Variants in CCDC93 observed in about 807,000 individuals in gnomAD.
CCDC93 encodes the protein CCC complex scaffolding subunit CCDC93.
A neutral mutation model predicts 108.2 loss-of-function variants in CCDC93; 61 were observed. The observed-to-expected ratio is 0.56, with a 90% CI of 0.46 to 0.70. The LOEUF (loss-of-function observed/expected upper bound fraction) is 0.70. CCDC93 is among the 30% of genes least tolerant of loss of function. CCDC93 has a pLI of 0.00. For missense variants in CCDC93, 685 were observed against 764.2 expected, an observed-to-expected ratio of 0.90 and a Z score of 1.22; for synonymous variants, 276 against 260.4, an observed-to-expected ratio of 1.06 and a Z score of -0.58.
intron 6 of CCDC93, among the ~76,000 whole-genome samples, chr2:117,993,233 A>G (rs533085234): frequency 1.6e-4 from 25 of 152,076 alleles, no homozygotes; most frequent in African/African-American, 5.8e-4. Context: ...CATCTCTACT[A>G]AAAAAACAAA....
chr2:117,935,649 C>A, intron 21 of CCDC93, 70 bp from the exon 22 acceptor site: 4 of 1,130,224 alleles, frequency 3.5e-6, no homozygotes, highest in Non-Finnish European at 5.4e-6. Context: ...GCCAAGCAGT[C>A]AGCTCTGTAT....
Position 117,917,726 on chromosome 2 carries a change from C to G in CCDC93, c.*2617G>C, listed in dbSNP as rs1270496827. 1.3e-5 allele frequency: 2 copies of G among 152,298 alleles called. No homozygotes were observed. Among genetic ancestry groups the G allele is most frequent in the Admixed American group, 1.3e-4 (2 of 15,280 alleles). The allele number at this position is 152,298 out of a possible 1,614,324, so 9.4% of individuals were successfully genotyped here. A position where few individuals can be genotyped will look rare whatever the true frequency, so the allele number is the denominator to read the frequency against. The stretch of plus-strand genomic sequence containing the variant: ...ATCAACAAATGTCCTAGCATCTCCC[C>G]ACGCACCTCGTGATCACGCAATCTT... On this transcript the variant is annotated 3_prime_UTR_variant, in exon 24 of 24. Coordinates refer to ENST00000376300, the MANE Select transcript of CCDC93 (RefSeq NM_019044.5).
intron 15 of CCDC93, 85 bp downstream of exon 15, chr2:117,948,020 T>A: frequency 9.1e-7 from 1 of 1,094,802 alleles, no homozygotes; most frequent in South Asian, 1.3e-5. Flanking sequence ...CTGCACTGGA[T>A]AGGATGCCAC....
At chr2:117,987,452 C>T (rs1172290600) in intron 6 of CCDC93, among the ~76,000 whole-genome samples, 1 of 152,192 alleles carries the variant, frequency 6.6e-6, no homozygotes, top group Non-Finnish European at 1.5e-5. Flanking sequence ...CTAAGTAATG[C>T]AACCTAAATA....
intron 23 of CCDC93, among the ~76,000 whole-genome samples, chr2:117,923,838 T>TG (rs61491726): frequency 1 from 152,306 of 152,308 alleles, 76,152 homozygotes; most frequent in Non-Finnish European, 1. Context: ...CTTCCTCATG[T>TG]GGTCCCTGAC....
chr2:117,978,106 CT>C, intron 7 of CCDC93, 76 bp from the exon 8 acceptor site: 2 of 1,317,742 alleles, frequency 1.5e-6, no homozygotes, highest in Non-Finnish European at 2.2e-6. Flanking sequence ...TTTTGGTTGA[CT>C]TTTTACATGA....
intron 13 of CCDC93, among the ~76,000 whole-genome samples, chr2:117,952,171 G>T (rs1022063960): frequency 6.6e-6 from 1 of 151,768 alleles, no homozygotes; most frequent in Non-Finnish European, 1.5e-5. Context: ...TAAGGGACTA[G>T]AATGTGCAGT....
At chr2:117,978,778 C>T (rs1331548896) in intron 7 of CCDC93, among the ~76,000 whole-genome samples, 3 of 152,122 alleles carry the variant, frequency 2.0e-5, no homozygotes, top group Admixed American at 6.5e-5. Flanking sequence ...GAGGCTGAGG[C>T]GGGCCTATCA....
rs1677780776 is a variant in CCDC93 at position 117,919,093 on chromosome 2, T to A, written c.*1250A>T. 1 of 152,174 alleles carries A rather than the reference T, an allele frequency of 6.6e-6. No individual in the cohort carries two copies. The highest frequency in any genetic ancestry group is 2.4e-5 in the African/African-American group (1 of 41,444). The allele number at this position is 152,174 out of a possible 1,614,324, so 9.4% of individuals were successfully genotyped here. A position where few individuals can be genotyped will look rare whatever the true frequency, so the allele number is the denominator to read the frequency against. ...ACAAACCTACAGAACATGACTGAGT[T>A]ACCAGACTCCTGAGGACCAGGGCAG... On this transcript the variant is annotated 3_prime_UTR_variant, in exon 24 of 24. Coordinates refer to ENST00000376300, the MANE Select transcript of CCDC93 (RefSeq NM_019044.5).
chr2:117,967,494 C>T (rs1462602803), intron 11 of CCDC93, among the ~76,000 whole-genome samples: 1 of 152,192 alleles, frequency 6.6e-6, no homozygotes, highest in Non-Finnish European at 1.5e-5. Flanking sequence ...CCCTAGCTAC[C>T]AATAGCCCAA....
chr2:117,980,011 A>G (rs1428354862), intron 7 of CCDC93, among the ~76,000 whole-genome samples: 3 of 152,240 alleles, frequency 2.0e-5, no homozygotes, highest in East Asian at 3.8e-4. Flanking sequence ...TTCTGGGGCT[A>G]GCAGCTATCA....
chr2:117,979,949 G>T (rs186871738), intron 7 of CCDC93, among the ~76,000 whole-genome samples: 4 of 152,352 alleles, frequency 2.6e-5, no homozygotes, highest in African/African-American at 9.6e-5. Flanking sequence ...AGGAAAGAGG[G>T]AAGCATAAAG....
intron 3 of CCDC93, among the ~76,000 whole-genome samples, chr2:118,001,991 G>T (rs141512654): frequency 2.0e-5 from 3 of 152,230 alleles, no homozygotes; most frequent in African/African-American, 7.2e-5. Context: ...CACCAGGCAT[G>T]GCCTTGTGGA....
intron 2 of CCDC93, 74 bp downstream of exon 2, chr2:118,008,471 C>A: frequency 1.2e-6 from 1 of 840,166 alleles, no homozygotes. Flanking sequence ...TCATCTTTTC[C>A]TCCTTTCTTT....
At chr2:117,982,074 C>T (rs1434093426) in intron 7 of CCDC93, among the ~76,000 whole-genome samples, 1 of 151,956 alleles carries the variant, frequency 6.6e-6, no homozygotes, top group South Asian at 2.1e-4. Context: ...AGAGGTATGC[C>T]GTGTTTTATT....
At chr2:117,936,507 C>T in intron 21 of CCDC93, 195 bp downstream of exon 21, 1 of 576,858 alleles carries the variant, frequency 1.7e-6, no homozygotes, top group Non-Finnish European at 3.1e-6. Flanking sequence ...ACTCTACTAT[C>T]ATTATAGTTT....
chr2:117,949,605 A>G (rs1678985957), intron 13 of CCDC93: 1 of 272,222 alleles, frequency 3.7e-6, no homozygotes, highest in African/African-American at 2.3e-5. Flanking sequence ...AATGATCTCT[A>G]GTATCTACTG....
chr2:117,936,176 G>C (rs1018068881), intron 21 of CCDC93, among the ~76,000 whole-genome samples: 1 of 152,066 alleles, frequency 6.6e-6, no homozygotes, highest in Non-Finnish European at 1.5e-5. Flanking sequence ...TTGTGCCAGA[G>C]AGAAGGGAAG....
intron 18 of CCDC93, among the ~76,000 whole-genome samples, chr2:117,943,326 G>A (rs559580312): frequency 6.6e-6 from 1 of 152,344 alleles, no homozygotes; most frequent in South Asian, 2.1e-4. Context: ...CAGTCAAAAA[G>A]TTTCCAAATA....
Sources: allele counts gnomAD v4.1 joint callset (sites outside exome capture counted in the v4.1 genomes callset), GRCh38; gene constraint gnomAD v4.1.1; transcripts MANE v1.5; gene names NCBI Gene and HGNC (gene_info 2026-07-23, HGNC 2026-07-21).